CDKN2C: variants seen among roughly 807,000 people sequenced by gnomAD.
CDKN2C encodes the protein cyclin-dependent kinase 4 inhibitor C.
A neutral mutation model predicts 11.0 loss-of-function variants in CDKN2C; 5 were observed. The observed-to-expected ratio is 0.45, with a 90% CI of 0.24 to 0.95. The LOEUF (loss-of-function observed/expected upper bound fraction) is 0.95. Among genes scored for constraint, CDKN2C ranks in the 40% least tolerant of loss-of-function variants. The pLI, the probability that CDKN2C is intolerant of heterozygous loss-of-function variation, is 0.21. For missense variants in CDKN2C, 161 were observed against 211.9 expected (o/e 0.76, Z 1.49); for synonymous variants, 79 against 88.3 (o/e 0.89, Z 0.59).
rs1645399876 is a variant in CDKN2C, at chr1:50,974,614, T to C, written c.*344T>C. Reference sequence around the variant, plus strand: ...GTTTGTCCTGATGCTTTTGTCTAATTAAAACACTTTCAAAACAGGACAACA... The same window carrying C: ...GTTTGTCCTGATGCTTTTGTCTAATCAAAACACTTTCAAAACAGGACAACA... On this transcript the variant is annotated 3_prime_UTR_variant, in exon 2 of 2. Coordinates refer to ENST00000371761, the MANE Select transcript of CDKN2C (RefSeq NM_078626.3). 3.8e-6 allele frequency: 1 copy of C among 265,898 alleles called. No homozygotes were observed. Among genetic ancestry groups the C allele is most frequent in the Admixed American group, 4.8e-5 (1 of 20,738 alleles). 16.5% of individuals were successfully genotyped at this position (265,898 alleles called of 1,614,324 possible).
intron 1 of CDKN2C, among the ~76,000 whole-genome samples, chr1:50,964,363 A>G (rs1395718601): frequency 6.6e-6 from 1 of 152,376 alleles, no homozygotes; most frequent in East Asian, 1.9e-4. Context: ...TCTCAGAATT[A>G]CACTGAGATG....
At chr1:50,969,001 G>A, upstream of CDKN2C, 1 of 153,724 alleles carries the variant, frequency 6.5e-6, no homozygotes, top group Non-Finnish European at 1.4e-5. This position sits in a 1 kb window ranked among gnomAD's most constrained non-coding sequence, Gnocchi z 6.6. Context: ...GAGCGGTGCG[G>A]CCAAGGAGGA....
At chr1:50,964,889 A>G (rs1305758644) in intron 1 of CDKN2C, among the ~76,000 whole-genome samples, 2 of 152,058 alleles carry the variant, frequency 1.3e-5, no homozygotes, top group Non-Finnish European at 2.9e-5. Context: ...CCCTGTCTCT[A>G]CTAAAGATAC....
chr1:50,972,062 A>G (rs1645383905), intron 1 of CDKN2C, among the ~76,000 whole-genome samples: 1 of 152,136 alleles, frequency 6.6e-6, no homozygotes, highest in South Asian at 2.1e-4. Context: ...TTCTTCTACA[A>G]TTATGTTTAT....
At chr1:50,962,166 A>AG (rs1645327977) in intron 1 of CDKN2C, among the ~76,000 whole-genome samples, 1 of 152,348 alleles carries the variant, frequency 6.6e-6, no homozygotes, top group Admixed American at 6.5e-5. Flanking sequence ...AGATCACTTG[A>AG]GGTCAGGAGT....
Position 50,970,352 on chromosome 1 carries a change from C to T in CDKN2C, c.-17C>T, listed in dbSNP as rs762541271. ...AACGACTAATTCATCTTTTCCTGAT[C>T]GTCAGGACCCTAAAGAATGGCCGAG... On this transcript the variant is annotated 5_prime_UTR_variant, in exon 1 of 2. Coordinates refer to ENST00000371761, the MANE Select transcript of CDKN2C (RefSeq NM_078626.3). The T allele has an allele frequency of 3.1e-6, 5 of 1,613,792 alleles. No individual in the cohort carries two copies. Among genetic ancestry groups the T allele is most frequent in the Middle Eastern group, 1.7e-4 (1 of 6,056 alleles).
At chr1:50,964,482 C>A (rs992308109) in intron 1 of CDKN2C, among the ~76,000 whole-genome samples, 1 of 152,212 alleles carries the variant, frequency 6.6e-6, no homozygotes, top group Non-Finnish European at 1.5e-5. Context: ...TTAAGATAAC[C>A]AATTTCTTAA....
chr1:50,961,318 G>A (rs1645321168), intron 1 of CDKN2C, among the ~76,000 whole-genome samples: 1 of 152,180 alleles, frequency 6.6e-6, no homozygotes, highest in Non-Finnish European at 1.5e-5. Flanking sequence ...GATTACAGGC[G>A]TGAGCCACTG....
intron 1 of CDKN2C, among the ~76,000 whole-genome samples, chr1:50,973,068 T>C: frequency 6.6e-6 from 1 of 152,174 alleles, no homozygotes; most frequent in Non-Finnish European, 1.5e-5. Context: ...TGTCCTACAA[T>C]AATTTCCTAC....
At chr1:50,964,852 G>A (rs918055221) in intron 1 of CDKN2C, among the ~76,000 whole-genome samples, 6 of 152,032 alleles carry the variant, frequency 3.9e-5, no homozygotes, top group African/African-American at 1.2e-4. Flanking sequence ...TCAGGAGTTC[G>A]AGACCAGCCT....
At chr1:50,968,587 GC>G (rs1456664678), upstream of CDKN2C, 1 of 152,310 alleles carries the variant, frequency 6.6e-6, no homozygotes, top group African/African-American at 2.4e-5. Context: ...GGGAATGAGG[GC>G]GCGGGACCGG....
intron 1 of CDKN2C, 66 bp from the exon 2 acceptor site, chr1:50,973,827 G>A: frequency 6.4e-7 from 1 of 1,564,066 alleles, no homozygotes; most frequent in Non-Finnish European, 8.8e-7. Context: ...AGGACAGGCA[G>A]ATATTTTAAA....
chr1:50,966,719 A>G (rs1270924571), upstream of CDKN2C, among the ~76,000 whole-genome samples: 1 of 148,740 alleles, frequency 6.7e-6, no homozygotes, highest in Non-Finnish European at 1.5e-5. Context: ...GCTTCAGGGC[A>G]CCAGCAAAAC....
At chr1:50,970,163 T>G (rs1374909717), upstream of CDKN2C, 4 of 625,008 alleles carry the variant, frequency 6.4e-6, no homozygotes, top group Non-Finnish European at 1.1e-5. Flanking sequence ...ATGGCTCAGT[T>G]TTGCTGAATA....
rs749212104 is a variant in CDKN2C, at chr1:50,974,166, C to T, written c.403C>T (p.His135Tyr). The change falls in exon 2 of 2, where the codon CAT becomes TAT. Residue 135 changes from histidine (H) to tyrosine (Y), a missense_variant. His to Tyr is a moderately conservative substitution (Grantham distance 83). Coordinates refer to ENST00000371761, the MANE Select transcript of CDKN2C (RefSeq NM_078626.3). The stretch of plus-strand genomic sequence containing the variant: ...GGCCAGCAATGTGGGGCATCGGAAC[C>T]ATAAGGGGGACACCGCCTGTGATTT... Reference protein sequence around the residue: ...HTASNVGHRNHKGDTACDLAR... With the variant: ...HTASNVGHRNYKGDTACDLAR... The T allele has an allele frequency of 8.7e-6, 14 of 1,613,866 alleles. 1 individual carries two copies. In the South Asian group the frequency reaches 1.5e-4, roughly 18 times the overall value.
At chr1:50,967,252 T>C (rs975355488), upstream of CDKN2C, among the ~76,000 whole-genome samples, 2 of 152,240 alleles carry the variant, frequency 1.3e-5, no homozygotes, top group Non-Finnish European at 2.9e-5. Context: ...TATTTATTTC[T>C]TACTGGTATA....
At chr1:50,965,318 T>C (rs1290624542), upstream of CDKN2C, among the ~76,000 whole-genome samples, 1 of 151,824 alleles carries the variant, frequency 6.6e-6, no homozygotes. Flanking sequence ...GCCAACGTGG[T>C]GAAACCCCAT....
intron 1 of CDKN2C, among the ~76,000 whole-genome samples, chr1:50,961,326 C>T (rs1645321269): frequency 6.6e-6 from 1 of 152,356 alleles, no homozygotes; most frequent in East Asian, 1.9e-4. Flanking sequence ...GCGTGAGCCA[C>T]TGCACCCGGC....
At chr1:50,961,574 G>C (rs553386092) in intron 1 of CDKN2C, among the ~76,000 whole-genome samples, 1 of 152,376 alleles carries the variant, frequency 6.6e-6, no homozygotes, top group Non-Finnish European at 1.5e-5. Context: ...GCTTTGGAAA[G>C]TATGTAAAAG....
Sources: allele counts gnomAD v4.1 joint callset (sites outside exome capture counted in the v4.1 genomes callset), GRCh38; gene constraint gnomAD v4.1.1; non-coding constraint Gnocchi (gnomAD v3.1); transcripts MANE v1.5; gene names NCBI Gene and HGNC (gene_info 2026-07-23, HGNC 2026-07-21).